Variants in PRPF18 observed in about 807,000 individuals in gnomAD.
The protein encoded by PRPF18 is pre-mRNA processing factor 18.
Under a neutral mutation model 46.5 loss-of-function variants are expected in PRPF18, and 38 were observed. The ratio of observed to expected loss-of-function variants is 0.82; its 90% CI spans 0.63 to 1.07. The LOEUF is 1.07. Ranked by LOEUF, PRPF18 falls within the 50% of genes least tolerant of loss-of-function variation. The probability of loss-of-function intolerance (pLI) is 0.00; values close to 1 mark genes in which losing one functional copy is unlikely to be tolerated. For missense variants in PRPF18, 263 were observed against 410.0 expected, an observed-to-expected ratio of 0.64 and a Z score of 3.10; for synonymous variants, 152 against 146.7, an observed-to-expected ratio of 1.04 and a Z score of -0.26.
At chr10:13,594,210 A>G (rs1164412752) in intron 1 of PRPF18, among the ~76,000 whole-genome samples, 2 of 152,260 alleles carry the variant, frequency 1.3e-5, no homozygotes, top group Non-Finnish European at 2.9e-5. Flanking sequence ...TATTTTTATG[A>G]AAAGACTATA....
At chr10:13,624,606 A>G (rs1413633429) in intron 9 of PRPF18, among the ~76,000 whole-genome samples, 1 of 152,246 alleles carries the variant, frequency 6.6e-6, no homozygotes, top group African/African-American at 2.4e-5. Context: ...AGGGTAAGAT[A>G]TCATACTGAA....
chr10:13,614,221 G>C (rs1423097622), intron 8 of PRPF18, 135 bp downstream of exon 8: 1 of 692,718 alleles, frequency 1.4e-6, no homozygotes, highest in Non-Finnish European at 2.2e-6. Flanking sequence ...GTAGTAAAAA[G>C]CGTTTTATTT....
chr10:13,596,739 C>T (rs2080040516), intron 1 of PRPF18, among the ~76,000 whole-genome samples: 1 of 152,130 alleles, frequency 6.6e-6, no homozygotes, highest in African/African-American at 2.4e-5. Context: ...TACATCAAAT[C>T]ATATCACAAC....
rs1554806370 is a variant in PRPF18 at position 13,590,452 on chromosome 10, A to AAAT, written c.66+3301_66+3302insATA. On this transcript the variant is annotated intron_variant, in intron 1 of 9. Coordinates refer to ENST00000378572, the MANE Select transcript of PRPF18 (RefSeq NM_003675.4). ...CTCTACTGAAAATACAAAAAAAAAA[A>AAAT]ATATATATATATATATATATTAGCT... Among the ~76,000 whole-genome samples the AAAT allele has an allele frequency of 9.0e-3, 1,263 of 140,458 alleles. 18 individuals carry two copies. The highest frequency in any genetic ancestry group is 0.013 in the Non-Finnish European group (867 of 65,606). The allele number at this position is 140,458 out of a possible 152,430, so 92.1% of individuals were successfully genotyped here.
At chr10:13,644,403 A>C in the PRPF18 span, 3 of 152,328 alleles carry the variant, frequency 2.0e-5, no homozygotes, top group African/African-American at 7.2e-5. Context: ...CTAACGTTTT[A>C]TGTACATTTT....
the PRPF18 span, chr10:13,647,444 C>A: frequency 6.6e-6 from 1 of 152,166 alleles, no homozygotes. Flanking sequence ...AAGCCAGAAC[C>A]TCTGGGCTTT....
chr10:13,631,332 C>G (rs573974902), downstream of PRPF18: 2 of 152,296 alleles, frequency 1.3e-5, no homozygotes, highest in African/African-American at 4.8e-5. Flanking sequence ...TGGATGCTCC[C>G]GGAGCAGGTG....
intron 4 of PRPF18, among the ~76,000 whole-genome samples, chr10:13,608,877 G>T (rs1436991159): frequency 6.6e-6 from 1 of 152,216 alleles, no homozygotes; most frequent in East Asian, 1.9e-4. Context: ...CCGTTGGCAA[G>T]TCTTTTACTC....
chr10:13,603,008 C>T (rs751495485), intron 3 of PRPF18, among the ~76,000 whole-genome samples: 16 of 152,208 alleles, frequency 1.1e-4, no homozygotes, highest in South Asian at 4.1e-4. Flanking sequence ...CTGGGATTAC[C>T]GGCGAGGGCC....
At chr10:13,604,844 C>G (rs1056590877) in intron 3 of PRPF18, among the ~76,000 whole-genome samples, 1 of 152,186 alleles carries the variant, frequency 6.6e-6, no homozygotes, top group Non-Finnish European at 1.5e-5. Context: ...AATATGCTGA[C>G]ATAAGGGATT....
intron 9 of PRPF18, among the ~76,000 whole-genome samples, chr10:13,629,415 TATAAA>T (rs1258711867): frequency 6.6e-6 from 1 of 152,226 alleles, no homozygotes; most frequent in Non-Finnish European, 1.5e-5. Flanking sequence ...AAACACAAGT[TATAAA>T]GTAAGTAATA....
the PRPF18 span, chr10:13,649,694 T>G: frequency 6.6e-6 from 1 of 152,364 alleles, no homozygotes; most frequent in African/African-American, 2.4e-5. Flanking sequence ...TCTTTTATTC[T>G]CAAGTCTGGG....
the PRPF18 span, chr10:13,638,120 G>A: frequency 2.0e-5 from 3 of 152,170 alleles, no homozygotes; most frequent in African/African-American, 7.2e-5. Flanking sequence ...GAAGTCTGTG[G>A]GTGAGTGGGA....
At position 13,602,766 on chromosome 10, in the gene PRPF18, T is replaced by G. The variant is rs891729824; in HGVS notation, c.249+2418T>G. On this transcript the variant is annotated intron_variant, in intron 3 of 9. Coordinates refer to ENST00000378572, the MANE Select transcript of PRPF18 (RefSeq NM_003675.4). Reference sequence around the variant, plus strand: ...TCGATTTTTTGAGACAAAGTCTCACTGTGTCTCCCAGGCTGGAGTGCAGTG... The same window carrying G: ...TCGATTTTTTGAGACAAAGTCTCACGGTGTCTCCCAGGCTGGAGTGCAGTG... Among the ~76,000 whole-genome samples the G allele has an allele frequency of 7.9e-5, 12 of 152,246 alleles. 1 individual carries two copies. Among genetic ancestry groups the G allele is most frequent in the Admixed American group, 6.5e-4 (10 of 15,288 alleles).
chr10:13,641,244 G>A, the PRPF18 span: 1 of 152,216 alleles, frequency 6.6e-6, no homozygotes, highest in African/African-American at 2.4e-5. Context: ...TGATGAAAAA[G>A]AAAGCTTGGA....
the PRPF18 span, among the ~76,000 whole-genome samples, chr10:13,636,050 C>G: frequency 6.6e-6 from 1 of 152,222 alleles, no homozygotes; most frequent in Non-Finnish European, 1.5e-5. Context: ...AGCTGATCAC[C>G]TTGGGCTGGT....
At chr10:13,587,420 G>A (rs2079891719) in intron 1 of PRPF18, among the ~76,000 whole-genome samples, 1 of 152,166 alleles carries the variant, frequency 6.6e-6, no homozygotes, top group Admixed American at 6.5e-5. Flanking sequence ...CTGGGTCTGG[G>A]GGCGGGAACC....
chr10:13,607,347 C>A (rs747512018), intron 4 of PRPF18, among the ~76,000 whole-genome samples: 5 of 152,116 alleles, frequency 3.3e-5, no homozygotes, highest in Non-Finnish European at 7.4e-5. Context: ...TTTTTTGTGA[C>A]TATTTTCTTG....
At chr10:13,600,211 G>C (rs1474659298) in intron 2 of PRPF18, 33 bp from the exon 3 acceptor site, 2 of 1,486,276 alleles carry the variant, frequency 1.3e-6, no homozygotes, top group Admixed American at 2.0e-5. Context: ...TATTTTTAAA[G>C]CTGAATTTCA....
Sources: allele counts gnomAD v4.1 joint callset (sites outside exome capture counted in the v4.1 genomes callset), GRCh38; gene constraint gnomAD v4.1.1; transcripts MANE v1.5; gene names NCBI Gene and HGNC (gene_info 2026-07-23, HGNC 2026-07-21).